Variants in ELFN1 observed in about 807,000 individuals in gnomAD.
ELFN1 encodes protein ELFN1.
Under a neutral mutation model 7.6 loss-of-function variants are expected in ELFN1, and 6 were observed. That is an observed-to-expected ratio of 0.79 (90% CI 0.43 to 1.56). The LOEUF is 1.56. Among genes scored for constraint, ELFN1 ranks in the 40% most tolerant of loss-of-function variants. ELFN1 has a pLI of 0.01. For synonymous variants in ELFN1, 657 were observed against 588.1 expected (o/e 1.12, Z -1.70); for missense variants, 1,169 against 1,232.2 (o/e 0.95, Z 0.77).
intron 1 of ELFN1, among the ~76,000 whole-genome samples, chr7:1,687,472 GC>G (rs1225856041): frequency 1.3e-5 from 2 of 151,912 alleles, no homozygotes; most frequent in East Asian, 3.9e-4. Flanking sequence ...TATCTCAGAA[GC>G]CCCCCACCCC....
In ELFN1 at chr7:1,747,104, C is replaced by T. The variant is rs530916643; in HGVS notation, c.*21C>T. ...CCTGAGCCCCCCAAGACCGGCGATG[C>T]CCACTGGACCAAAAAGGATGCAGGA... is the stretch of plus-strand genomic sequence containing the variant. On this transcript the variant is annotated 3_prime_UTR_variant, in exon 4 of 4. Transcript: ENST00000424383. 9.6e-5 allele frequency: 139 copies of T among 1,446,822 alleles called. No individual in the cohort carries two copies. In the South Asian group the frequency reaches 1.9e-3, roughly 20 times the overall value. The allele number at this position is 1,446,822 out of a possible 1,614,324, so 89.6% of individuals were successfully genotyped here. A position where few individuals can be genotyped will look rare whatever the true frequency, so the allele number is the denominator to read the frequency against.
At chr7:1,743,354 C>T (rs1430390766) in intron 3 of ELFN1, among the ~76,000 whole-genome samples, 1 of 152,136 alleles carries the variant, frequency 6.6e-6, no homozygotes, top group Non-Finnish European at 1.5e-5. Context: ...GCATGCGGCT[C>T]CCCCAGGGAC....
intron 1 of ELFN1, among the ~76,000 whole-genome samples, chr7:1,684,757 C>G (rs1026076443): frequency 2.6e-5 from 4 of 152,030 alleles, no homozygotes; most frequent in Non-Finnish European, 5.9e-5. Flanking sequence ...TTTCTTCTCC[C>G]TGTTTTGTAC....
intron 1 of ELFN1, among the ~76,000 whole-genome samples, chr7:1,679,490 G>A (rs916733456): frequency 6.6e-6 from 1 of 152,168 alleles, no homozygotes; most frequent in Non-Finnish European, 1.5e-5. Context: ...GCTGGCTGAG[G>A]GAACCCACAG....
upstream of ELFN1, among the ~76,000 whole-genome samples, chr7:1,666,600 G>A (rs955918682): frequency 6.6e-6 from 1 of 151,994 alleles, no homozygotes; most frequent in African/African-American, 2.4e-5. This position sits in a 1 kb window ranked among gnomAD's most constrained non-coding sequence, Gnocchi z 7.9. Context: ...GAAACTTTCC[G>A]GAGCGCGCTG....
intron 2 of ELFN1, chr7:1,693,409 T>C (rs1404278889): frequency 2.1e-6 from 1 of 471,200 alleles, no homozygotes; most frequent in South Asian, 1.5e-5. Context: ...CCTGAGTAGG[T>C]ATGTGCACAT....
At chr7:1,714,305 C>T (rs1199553562) in intron 3 of ELFN1, among the ~76,000 whole-genome samples, 1 of 152,096 alleles carries the variant, frequency 6.6e-6, no homozygotes, top group Non-Finnish European at 1.5e-5. Context: ...CCCAGCCCTG[C>T]CCGCTCCCCC....
intron 3 of ELFN1, among the ~76,000 whole-genome samples, chr7:1,714,687 C>T (rs1779775060): frequency 6.6e-6 from 1 of 152,186 alleles, no homozygotes; most frequent in Admixed American, 6.5e-5. Flanking sequence ...TCAAGACTCA[C>T]CAACCCTGAT....
At chr7:1,741,357 C>G (rs1780608935) in intron 3 of ELFN1, among the ~76,000 whole-genome samples, 1 of 152,196 alleles carries the variant, frequency 6.6e-6, no homozygotes, top group Admixed American at 6.5e-5. Context: ...TCCCTGAGCC[C>G]CTGCAGGCCA....
chr7:1,741,355 C>T (rs965660467), intron 3 of ELFN1, among the ~76,000 whole-genome samples: 4 of 152,202 alleles, frequency 2.6e-5, no homozygotes, highest in African/African-American at 9.7e-5. Context: ...ACTCCCTGAG[C>T]CCCTGCAGGC....
chr7:1,675,681 G>A (rs1030803775), intron 1 of ELFN1, among the ~76,000 whole-genome samples: 1 of 152,348 alleles, frequency 6.6e-6, no homozygotes, highest in Admixed American at 6.5e-5. Flanking sequence ...ACCCTCGGCC[G>A]GTGCGCAGGA....
At chr7:1,741,463 C>T (rs992620661) in intron 3 of ELFN1, among the ~76,000 whole-genome samples, 5 of 152,352 alleles carry the variant, frequency 3.3e-5, no homozygotes, top group African/African-American at 1.2e-4. Flanking sequence ...ATCACACAGG[C>T]TCCCCAGCCT....
chr7:1,682,608 AT>A (rs58388763), intron 1 of ELFN1, among the ~76,000 whole-genome samples: 115,000 of 123,128 alleles, frequency 0.93, 53,550 homozygotes, highest in East Asian at 0.97. Context: ...GCCAGGATAA[AT>A]TTTTTTTTTT....
At chr7:1,731,176 A>G (rs1780318297) in intron 3 of ELFN1, among the ~76,000 whole-genome samples, 1 of 152,214 alleles carries the variant, frequency 6.6e-6, no homozygotes, top group Non-Finnish European at 1.5e-5. Flanking sequence ...AAAGAAAACA[A>G]GAGTGGTGAG....
At chr7:1,720,772 A>C (rs1779997941) in intron 3 of ELFN1, among the ~76,000 whole-genome samples, 1 of 123,504 alleles carries the variant, frequency 8.1e-6, no homozygotes, top group South Asian at 2.6e-4. Context: ...TCTCTTCCAC[A>C]GTGTAAGCTC....
intron 3 of ELFN1, among the ~76,000 whole-genome samples, chr7:1,711,808 C>G (rs774917959): frequency 6.6e-6 from 1 of 152,206 alleles, no homozygotes; most frequent in Non-Finnish European, 1.5e-5. Context: ...CAGACCCTCT[C>G]TCAATGAGGC....
chr7:1,711,415 A>AGGAGG (rs1015976473), intron 3 of ELFN1, among the ~76,000 whole-genome samples: 4 of 151,714 alleles, frequency 2.6e-5, no homozygotes, highest in Admixed American at 2.0e-4. Flanking sequence ...CAGAGGCCAG[A>AGGAGG]GGAGGGGAGG....
intron 3 of ELFN1, among the ~76,000 whole-genome samples, chr7:1,711,787 G>A (rs959279571): frequency 2.6e-5 from 4 of 152,156 alleles, no homozygotes; most frequent in African/African-American, 9.7e-5. Context: ...TGAAATGTGA[G>A]GGCGTCCCCA....
chr7:1,681,087 A>G lies in ELFN1; in HGVS notation c.-548-6971A>G, dbSNP rs1437150856. Among the ~76,000 whole-genome samples, 8 of 152,210 alleles carry G rather than the reference A, an allele frequency of 5.3e-5. 1 individual carries two copies. Among genetic ancestry groups the G allele is most frequent in the Non-Finnish European group, 1.2e-4 (8 of 68,044 alleles). ...ACATTTCACATCAATGGGATCCTGCATCCTGCAATATGCAGTCTTCTGTGG... is the reference window on the plus strand; with the variant it reads ...ACATTTCACATCAATGGGATCCTGCGTCCTGCAATATGCAGTCTTCTGTGG... On this transcript the variant is annotated intron_variant, in intron 1 of 3. Coordinates refer to ENST00000424383, the MANE Select transcript of ELFN1 (RefSeq NM_001128636.4).
Sources: gnomAD v4.1 joint callset for allele counts (sites outside exome capture counted in the v4.1 genomes callset) on GRCh38, gnomAD v4.1.1 for gene constraint, Gnocchi (gnomAD v3.1) non-coding constraint, MANE v1.5 for transcripts, NCBI Gene and HGNC (gene_info 2026-07-23, HGNC 2026-07-21) for gene names.